ROBO1: variants seen among roughly 807,000 people sequenced by gnomAD.
The protein encoded by ROBO1 is roundabout homolog 1.
ROBO1 carries 149 observed loss-of-function variants against 195.9 expected under a neutral mutation model. The ratio of observed to expected loss-of-function variants is 0.76; its 90% CI spans 0.67 to 0.87. ROBO1 has a LOEUF of 0.87. Among genes scored for constraint, ROBO1 ranks in the 40% least tolerant of loss-of-function variants. The pLI is 0.00. For synonymous variants in ROBO1, 816 were observed against 733.2 expected, an observed-to-expected ratio of 1.11 and a Z score of -1.82; for missense variants, 1,933 against 2,068.3, an observed-to-expected ratio of 0.93 and a Z score of 1.27.
intron 2 of ROBO1, among the ~76,000 whole-genome samples, chr3:79,578,165 T>C (rs772000286): frequency 3.7e-4 from 56 of 152,268 alleles, no homozygotes; most frequent in Non-Finnish European, 4.3e-4. Flanking sequence ...CTCAGAAAGA[T>C]ATAGAGCAAC....
At chr3:78,952,092 A>G (rs2107780062) in intron 3 of ROBO1, among the ~76,000 whole-genome samples, 1 of 151,692 alleles carries the variant, frequency 6.6e-6, no homozygotes, top group South Asian at 2.1e-4. Context: ...CAGAAAAAAC[A>G]GTATTTATTT....
intron 2 of ROBO1, among the ~76,000 whole-genome samples, chr3:79,357,406 T>C (rs991273602): frequency 1.3e-5 from 2 of 152,162 alleles, no homozygotes; most frequent in African/African-American, 4.8e-5. Context: ...TTAATGGAAA[T>C]GCCTCAGGTA....
chr3:79,420,021 G>C (rs1210138904), intron 2 of ROBO1, among the ~76,000 whole-genome samples: 1 of 152,046 alleles, frequency 6.6e-6, no homozygotes, highest in African/African-American at 2.4e-5. Context: ...GGCATTAACA[G>C]AAAATGAAGT....
chr3:79,726,639 C>A (rs1702937885), intron 1 of ROBO1, among the ~76,000 whole-genome samples: 1 of 152,064 alleles, frequency 6.6e-6, no homozygotes, highest in Non-Finnish European at 1.5e-5. Flanking sequence ...GGCATTATCT[C>A]TAAAAAAAAT....
chr3:79,652,292 GTC>G (rs1560071590), intron 1 of ROBO1, among the ~76,000 whole-genome samples: 1 of 151,886 alleles, frequency 6.6e-6, no homozygotes, highest in Non-Finnish European at 1.5e-5. Flanking sequence ...TGTCTTTCTT[GTC>G]TCTCTTTTCT....
intron 2 of ROBO1, among the ~76,000 whole-genome samples, chr3:79,235,788 A>G (rs1009394068): frequency 1.3e-5 from 2 of 151,986 alleles, no homozygotes; most frequent in African/African-American, 4.8e-5. Flanking sequence ...CTTTCCAGAG[A>G]CCCATATTTA....
chr3:79,518,179 T>C (rs1941035004), intron 2 of ROBO1, among the ~76,000 whole-genome samples: 1 of 152,208 alleles, frequency 6.6e-6, no homozygotes, highest in Admixed American at 6.5e-5. Context: ...TCTACAAAAG[T>C]ATGCTAATTT....
chr3:79,372,859 T>C (rs970538180), intron 2 of ROBO1, among the ~76,000 whole-genome samples: 1 of 152,140 alleles, frequency 6.6e-6, no homozygotes, highest in South Asian at 2.1e-4. Flanking sequence ...AAAATATAGA[T>C]GGTATATTAG....
intron 4 of ROBO1, among the ~76,000 whole-genome samples, chr3:78,817,275 A>G (rs1433225158): frequency 6.6e-6 from 1 of 152,190 alleles, no homozygotes; most frequent in Admixed American, 6.5e-5. Context: ...TACCAGCAAA[A>G]AGATTGTGAC....
At chr3:79,274,176 T>C (rs1184858208) in intron 2 of ROBO1, among the ~76,000 whole-genome samples, 1 of 151,960 alleles carries the variant, frequency 6.6e-6, no homozygotes, top group Non-Finnish European at 1.5e-5. Flanking sequence ...CTAATAGATA[T>C]TTATAGAACA....
chr3:79,222,716 CT>C (rs1232737584), intron 2 of ROBO1, among the ~76,000 whole-genome samples: 3 of 151,518 alleles, frequency 2.0e-5, no homozygotes, highest in Admixed American at 6.6e-5. Flanking sequence ...ATTTATGTTT[CT>C]AAATACAATA....
intron 2 of ROBO1, among the ~76,000 whole-genome samples, chr3:79,522,027 T>C (rs1012886450): frequency 6.6e-6 from 1 of 152,222 alleles, no homozygotes; most frequent in Non-Finnish European, 1.5e-5. Context: ...ATTATGACTG[T>C]CAATATGGTC....
chr3:78,662,823 C>T (rs748750748), intron 14 of ROBO1, among the ~76,000 whole-genome samples: 2 of 151,870 alleles, frequency 1.3e-5, no homozygotes, highest in African/African-American at 4.8e-5. Context: ...CTCAAAAGCC[C>T]CAAAATTTCA....
chr3:79,413,278 A>G (rs1405668501), intron 2 of ROBO1, among the ~76,000 whole-genome samples: 1 of 152,126 alleles, frequency 6.6e-6, no homozygotes, highest in Non-Finnish European at 1.5e-5. Context: ...GTGAAAATAA[A>G]GTAAGGTCAA....
chr3:79,712,805 A>G (rs1702325687), intron 1 of ROBO1, among the ~76,000 whole-genome samples: 1 of 152,142 alleles, frequency 6.6e-6, no homozygotes, highest in African/African-American at 2.4e-5. Flanking sequence ...GATGAAGCCA[A>G]TGCTTACCGT....
intron 2 of ROBO1, among the ~76,000 whole-genome samples, chr3:79,256,420 C>G (rs2082834576): frequency 6.6e-6 from 1 of 151,938 alleles, no homozygotes; most frequent in Non-Finnish European, 1.5e-5. Flanking sequence ...ACCAGTGGAA[C>G]AAGTTACAAG....
At chr3:79,511,965 AT>A (rs1426854884) in intron 2 of ROBO1, among the ~76,000 whole-genome samples, 6 of 152,130 alleles carry the variant, frequency 3.9e-5, no homozygotes. Flanking sequence ...AAAATAATTA[AT>A]GGATACTGGG....
chr3:78,924,567 G>A (rs1186305650), intron 4 of ROBO1, among the ~76,000 whole-genome samples: 2 of 151,720 alleles, frequency 1.3e-5, no homozygotes, highest in Admixed American at 6.6e-5. Flanking sequence ...AACTGCATCT[G>A]TAACAGGCAT....
intron 19 of ROBO1, among the ~76,000 whole-genome samples, chr3:78,648,529 A>G (rs1015351445): frequency 6.6e-6 from 1 of 152,020 alleles, no homozygotes; most frequent in African/African-American, 2.4e-5. Flanking sequence ...AGACCTCAAA[A>G]GTAGCAGCCA....
Sources: allele counts gnomAD v4.1 joint callset (sites outside exome capture counted in the v4.1 genomes callset), GRCh38; gene constraint gnomAD v4.1.1; transcripts MANE v1.5; gene names NCBI Gene and HGNC (gene_info 2026-07-23, HGNC 2026-07-21).